DNAAF5: variants seen among roughly 807,000 people sequenced by gnomAD.
DNAAF5 encodes the protein dynein axonemal assembly factor 5.
A neutral mutation model predicts 75.8 loss-of-function variants in DNAAF5; 64 were observed. That is an observed-to-expected ratio of 0.84 (90% CI 0.69 to 1.04). The LOEUF (loss-of-function observed/expected upper bound fraction) is 1.04. DNAAF5 is among the 50% of genes least tolerant of loss of function. The probability of loss-of-function intolerance (pLI) is 0.00; values close to 1 mark genes in which losing one functional copy is unlikely to be tolerated. For synonymous variants in DNAAF5, 657 were observed against 557.2 expected (o/e 1.18, Z -2.52); for missense variants, 1,269 against 1,178.5 (o/e 1.08, Z -1.12).
Position 770,484 on chromosome 7 carries a change from A to T in DNAAF5, c.1797A>T (p.Gly599=), listed in dbSNP as rs376945935. 4.3e-6 allele frequency: 7 copies of T among 1,613,458 alleles called. No homozygotes were observed. The highest frequency in any genetic ancestry group is 3.3e-4 in the Middle Eastern group (2 of 6,052). ...TGTGTCTTACAGGCCCTGCCCTGGGAGAAGCCCTGCCACACGTCGTGCCCA... is the reference window on the plus strand; with the variant it reads ...TGTGTCTTACAGGCCCTGCCCTGGGTGAAGCCCTGCCACACGTCGTGCCCA... ...VIVAQSGPAL[G]EALPHVVPTL... is the part of the protein sequence containing the mutation. The change falls in exon 9 of 13, where the codon GGA becomes GGT. Residue 599 remains glycine, a synonymous_variant. Coordinates refer to ENST00000297440, the MANE Select transcript of DNAAF5 (RefSeq NM_017802.4).
chr7:757,837 C>G (rs1451032155), intron 6 of DNAAF5, among the ~76,000 whole-genome samples: 2 of 152,232 alleles, frequency 1.3e-5, no homozygotes, highest in East Asian at 1.9e-4. Context: ...GGCACTTGCT[C>G]CGGCTCGATC....
chr7:758,744 G>A (rs879276546), intron 6 of DNAAF5, among the ~76,000 whole-genome samples: 4 of 151,954 alleles, frequency 2.6e-5, no homozygotes, highest in Non-Finnish European at 4.4e-5. Context: ...ATGCAGTGGC[G>A]CAATCTTGGC....
At chr7:774,290 C>T in intron 10 of DNAAF5, 92 bp downstream of exon 10, 1 of 1,326,970 alleles carries the variant, frequency 7.5e-7, no homozygotes, top group Non-Finnish European at 1.0e-6. Flanking sequence ...GGAACTTGGG[C>T]AGGCAGCAGC....
At position 785,623 on chromosome 7, in the gene DNAAF5, G is replaced by T. The variant is rs748963333; in HGVS notation, c.2538G>T (p.Gln846His). 2 of 1,613,068 alleles carry T rather than the reference G, an allele frequency of 1.2e-6. No homozygotes were observed. Among genetic ancestry groups the T allele is most frequent in the Non-Finnish European group, 1.7e-6 (2 of 1,180,008 alleles). The change falls in exon 13 of 13, where the codon CAG becomes CAT. Residue 846 changes from glutamine to histidine, a missense_variant. Gln to His is a conservative substitution (Grantham distance 24). Coordinates refer to ENST00000297440, the MANE Select transcript of DNAAF5 (RefSeq NM_017802.4). ...RSATYCEQLL[Q>H]HVQAVPATQ ...CCACCTACTGCGAGCAGCTCCTGCA[G>T]CATGTGCAGGCCGTGCCAGCCACAC... is the stretch of plus-strand genomic sequence containing the variant.
rs531284883 is a variant in DNAAF5 at position 775,039 on chromosome 7, G to T, written c.2116G>T (p.Val706Phe). The T allele has an allele frequency of 6.2e-7, 1 of 1,613,954 alleles. No individual in the cohort carries two copies. The highest frequency in any genetic ancestry group is 1.7e-5 in the Admixed American group (1 of 60,008). ...RDVQETLMPQ[V>F]LTTLEEDSKM... ...CGTGCAGGAAACACTGATGCCCCAG[G>T]TCCTGACCACCCTGGAGGAGGATTC... The change falls in exon 11 of 13, where the codon GTC becomes TTC. Residue 706 changes from valine to phenylalanine, a missense_variant. Val to Phe is a conservative substitution (Grantham distance 50). Transcript: ENST00000297440.
At chr7:736,229 CT>C (rs1250063888) in intron 2 of DNAAF5, among the ~76,000 whole-genome samples, 2 of 152,280 alleles carry the variant, frequency 1.3e-5, no homozygotes, top group Non-Finnish European at 2.9e-5. Context: ...TCCATTAGAT[CT>C]ATAGTACAGA....
At chr7:756,277 T>G (rs1782477825) in intron 5 of DNAAF5, among the ~76,000 whole-genome samples, 1 of 137,256 alleles carries the variant, frequency 7.3e-6, no homozygotes, top group Non-Finnish European at 1.6e-5. Context: ...GGTGTGTGTG[T>G]GATCCGCTGT....
chr7:770,347 C>A (rs1415710017), intron 8 of DNAAF5, 124 bp from the exon 9 acceptor site: 8 of 748,842 alleles, frequency 1.1e-5, no homozygotes, highest in Non-Finnish European at 1.7e-5. Context: ...AAAGAGGAAG[C>A]GGGGAGGTGG....
Position 774,892 on chromosome 7 carries a change from G to A in DNAAF5, c.2083-114G>A. ...AATGAAGATTCAAGCCTACTTTTTA[G>A]GTAAAGCTTTCAAGCCCCCTAAGTC... On this transcript the variant is annotated intron_variant, in intron 10 of 12. Coordinates refer to ENST00000297440, the MANE Select transcript of DNAAF5 (RefSeq NM_017802.4). The A allele has an allele frequency of 7.1e-6, 6 of 849,038 alleles. No homozygotes were observed. The South Asian group carries it at 9.5e-5, about 13-fold the overall frequency. The allele number at this position is 849,038 out of a possible 1,614,324, so 52.6% of individuals were successfully genotyped here.
At chr7:782,099 G>C (rs1160281866) in intron 12 of DNAAF5, among the ~76,000 whole-genome samples, 9 of 150,750 alleles carry the variant, frequency 6.0e-5, no homozygotes, top group Admixed American at 4.7e-4. Flanking sequence ...CCGGTTATGC[G>C]ATGTCGGATC....
chr7:785,072 T>C (rs1227735139), intron 12 of DNAAF5, among the ~76,000 whole-genome samples: 1 of 152,038 alleles, frequency 6.6e-6, no homozygotes, highest in South Asian at 2.1e-4. Context: ...TTATGACTAC[T>C]GTGCACCCAT....
chr7:776,797 G>A (rs1441742850), intron 11 of DNAAF5, among the ~76,000 whole-genome samples: 1 of 152,202 alleles, frequency 6.6e-6, no homozygotes, highest in Non-Finnish European at 1.5e-5. Context: ...CCCAGGCCAT[G>A]GGCCAGTACC....
intron 10 of DNAAF5, among the ~76,000 whole-genome samples, 189 bp from the exon 11 acceptor site, chr7:774,817 T>C (rs1380350342): frequency 2.6e-5 from 4 of 152,206 alleles, no homozygotes; most frequent in Non-Finnish European, 4.4e-5. Context: ...GTGCGTATTT[T>C]CTAAAAATCA....
chr7:729,143 C>T (rs953191833), intron 1 of DNAAF5, among the ~76,000 whole-genome samples: 2 of 152,148 alleles, frequency 1.3e-5, no homozygotes, highest in African/African-American at 2.4e-5. Flanking sequence ...ATTACAGGCG[C>T]CTGCCACCTC....
intron 9 of DNAAF5, 82 bp from the exon 10 acceptor site, chr7:773,966 A>T: frequency 6.6e-7 from 1 of 1,523,582 alleles, no homozygotes; most frequent in Non-Finnish European, 9.1e-7. Flanking sequence ...CTCCCCCCTC[A>T]GCCCCATTCA....
chr7:768,118 C>T (rs963668921), intron 8 of DNAAF5, among the ~76,000 whole-genome samples: 1 of 127,844 alleles, frequency 7.8e-6, no homozygotes, highest in Non-Finnish European at 1.6e-5. Flanking sequence ...GACAGGTGAT[C>T]TGGGCGGAAG....
chr7:764,822 G>A (rs1173206155), intron 8 of DNAAF5, among the ~76,000 whole-genome samples: 3 of 152,210 alleles, frequency 2.0e-5, no homozygotes, highest in Non-Finnish European at 4.4e-5. Flanking sequence ...TGTAATCCCA[G>A]CACTTTGGGA....
chr7:784,821 C>T (rs1779097608), intron 12 of DNAAF5, among the ~76,000 whole-genome samples: 3 of 152,186 alleles, frequency 2.0e-5, no homozygotes, highest in Admixed American at 1.3e-4. Context: ...CCCAAAAATG[C>T]CACCTGAAGA....
At chr7:770,666 CA>C (rs753105428) in intron 9 of DNAAF5, 48 bp downstream of exon 9, 8 of 1,581,184 alleles carry the variant, frequency 5.1e-6, no homozygotes, top group Non-Finnish European at 6.9e-6. Flanking sequence ...GGGCCTGGGC[CA>C]GGGGTCCCCA....
Sources: allele counts gnomAD v4.1 joint callset (sites outside exome capture counted in the v4.1 genomes callset), GRCh38; gene constraint gnomAD v4.1.1; transcripts MANE v1.5; gene names NCBI Gene and HGNC (gene_info 2026-07-23, HGNC 2026-07-21).